The following CC2D2B variants were observed in gnomAD, a reference collection of about 807,000 sequenced individuals.
The protein encoded by CC2D2B is protein CC2D2B.
A neutral mutation model predicts 161.2 loss-of-function variants in CC2D2B; 128 were observed. The observed-to-expected ratio is 0.79, with a 90% CI of 0.69 to 0.92. CC2D2B has a LOEUF of 0.92. Among genes scored for constraint, CC2D2B ranks in the 40% least tolerant of loss-of-function variants. The probability of loss-of-function intolerance (pLI) is 0.00; values close to 1 mark genes in which losing one functional copy is unlikely to be tolerated. For missense variants in CC2D2B, 1,173 were observed against 1,375.1 expected (o/e 0.85, Z 2.32); for synonymous variants, 391 against 449.8 (o/e 0.87, Z 1.65).
At chr10:95,981,940 G>A (rs908981967) in intron 17 of CC2D2B, 35 bp from the exon 18 acceptor site, 3 of 1,080,386 alleles carry the variant, frequency 2.8e-6, no homozygotes, top group Non-Finnish European at 3.5e-6. Context: ...ATTTTATATT[G>A]TATGCAAGTT....
intron 22 of CC2D2B, among the ~76,000 whole-genome samples, chr10:95,994,050 C>A (rs931941848): frequency 1.4e-5 from 2 of 138,262 alleles, no homozygotes; most frequent in Non-Finnish European, 3.1e-5. Flanking sequence ...TGTGCAGAGA[C>A]GAGAGATAGT....
intron 22 of CC2D2B, among the ~76,000 whole-genome samples, chr10:95,993,669 C>T (rs1178941022): frequency 6.9e-6 from 1 of 145,036 alleles, no homozygotes; most frequent in Non-Finnish European, 1.5e-5. Context: ...TTTCTATAAG[C>T]ATCATGCTGC....
intron 6 of CC2D2B, among the ~76,000 whole-genome samples, chr10:95,928,232 T>A (rs1206214359): frequency 2.0e-5 from 3 of 149,686 alleles, no homozygotes; most frequent in African/African-American, 4.9e-5. Context: ...TTTGCACAAT[T>A]AAAAAAAAAA....
At chr10:96,010,116 A>C (rs563463457) in intron 26 of CC2D2B, among the ~76,000 whole-genome samples, 193 bp downstream of exon 26, 1 of 152,320 alleles carries the variant, frequency 6.6e-6, no homozygotes, top group East Asian at 1.9e-4. Context: ...TTAGAGTGTT[A>C]ACTAACAAAG....
chr10:95,936,968 G>A (rs984288005), intron 6 of CC2D2B, among the ~76,000 whole-genome samples: 3 of 152,242 alleles, frequency 2.0e-5, no homozygotes, highest in African/African-American at 7.2e-5. Flanking sequence ...GCCCCCATGT[G>A]GAGATCCGCC....
At chr10:95,993,189 T>A (rs1244387495) in intron 22 of CC2D2B, 1 of 155,140 alleles carries the variant, frequency 6.4e-6, no homozygotes, top group Non-Finnish European at 1.5e-5. Flanking sequence ...ATCTACAAAT[T>A]GTATGTGCCC....
chr10:95,913,538 C>A, intron 2 of CC2D2B: 1 of 254,900 alleles, frequency 3.9e-6, no homozygotes, highest in Non-Finnish European at 7.9e-6. Context: ...TTGAGGAACC[C>A]CATACTGTTC....
chr10:95,938,003 C>G lies in CC2D2B; in HGVS notation c.349C>G (p.Arg117Gly). 1 of 1,545,838 alleles carries G rather than the reference C, an allele frequency of 6.5e-7. No homozygotes were observed. The highest frequency in any genetic ancestry group is 8.8e-7 in the Non-Finnish European group (1 of 1,142,152). Reference sequence around the variant, plus strand: ...TGGTATTCAACAGAGACCAGTAAACCGTAGTTATCCCAAATGCTTTTCACT... The same window carrying G: ...TGGTATTCAACAGAGACCAGTAAACGGTAGTTATCCCAAATGCTTTTCACT... ...GKSSEQRPVNRSYPKCFSLGV... is the reference protein window; with the variant it reads ...GKSSEQRPVNGSYPKCFSLGV... The change falls in exon 7 of 35, where the codon CGT becomes GGT. Residue 117 changes from arginine (R) to glycine (G), a missense_variant. By Grantham distance (125) the Arg-to-Gly change is moderately radical (BLOSUM62 -2). This residue lies in a region of CC2D2B where 298 missense variants were observed against 261.2 expected (regional missense o/e 1.14). Coordinates refer to ENST00000646931, the MANE Select transcript of CC2D2B (RefSeq NM_001349008.3).
chr10:95,911,839 T>C (rs1435322551), intron 2 of CC2D2B, among the ~76,000 whole-genome samples: 1 of 152,218 alleles, frequency 6.6e-6, no homozygotes, highest in Admixed American at 6.5e-5. Context: ...CCTCTATCAG[T>C]TACTTGCCAG....
intron 5 of CC2D2B, among the ~76,000 whole-genome samples, chr10:95,926,873 T>C (rs549179826): frequency 1.3e-3 from 198 of 150,258 alleles, no homozygotes; most frequent in African/African-American, 3.9e-3. Context: ...TGTGTGTGTG[T>C]GCGCGCGCCT....
chr10:95,970,769 T>C (rs2077097822), intron 15 of CC2D2B, among the ~76,000 whole-genome samples: 1 of 152,246 alleles, frequency 6.6e-6, no homozygotes, highest in African/African-American at 2.4e-5. Flanking sequence ...ACCCATTTAC[T>C]GATTTACAAT....
At chr10:95,986,032 T>C (rs2077705709) in intron 19 of CC2D2B, among the ~76,000 whole-genome samples, 1 of 152,050 alleles carries the variant, frequency 6.6e-6, no homozygotes, top group South Asian at 2.1e-4. Flanking sequence ...GCCCAAAACT[T>C]CATTAGCAAT....
At chr10:96,019,865 C>A in intron 32 of CC2D2B, 41 bp downstream of exon 32, 2 of 1,540,700 alleles carry the variant, frequency 1.3e-6, no homozygotes, top group South Asian at 2.5e-5. Context: ...TGAGAGTTAC[C>A]ATTGCTTCTA....
chr10:95,939,658 T>C (rs576520329), intron 9 of CC2D2B, among the ~76,000 whole-genome samples: 1 of 152,362 alleles, frequency 6.6e-6, no homozygotes, highest in South Asian at 2.1e-4. Context: ...TGGTATTATC[T>C]GTCTTTTAAA....
At chr10:95,919,869 T>A (rs1336850133) in intron 2 of CC2D2B, 2 of 151,832 alleles carry the variant, frequency 1.3e-5, no homozygotes, top group African/African-American at 4.8e-5. Flanking sequence ...GGCACCCAGG[T>A]TGTAAAACTA....
intron 6 of CC2D2B, among the ~76,000 whole-genome samples, chr10:95,931,694 G>A (rs534187191): frequency 1.3e-5 from 2 of 152,162 alleles, no homozygotes; most frequent in Non-Finnish European, 2.9e-5. Context: ...GTGCAGTTTT[G>A]AGTGAGTTTC....
At chr10:95,990,220 C>G (rs2077895684) in intron 20 of CC2D2B, among the ~76,000 whole-genome samples, 1 of 151,844 alleles carries the variant, frequency 6.6e-6, no homozygotes, top group South Asian at 2.1e-4. Flanking sequence ...GTGAAAGGTG[C>G]TATGAAAAAT....
intron 29 of CC2D2B, among the ~76,000 whole-genome samples, chr10:96,015,764 C>T (rs2079171985): frequency 6.6e-6 from 1 of 152,144 alleles, no homozygotes; most frequent in South Asian, 2.1e-4. Context: ...TTTGAGTTGA[C>T]AGTACTATAT....
chr10:95,986,229 A>T (rs112496747), intron 19 of CC2D2B, among the ~76,000 whole-genome samples: 2 of 138,102 alleles, frequency 1.4e-5, no homozygotes, highest in Admixed American at 7.3e-5. Context: ...TGCCAACATG[A>T]GATGTCTCCC....
Sources: gnomAD v4.1 joint callset for allele counts (sites outside exome capture counted in the v4.1 genomes callset) on GRCh38, gnomAD v4.1.1 for gene constraint, gnomAD v4.1.1 regional missense constraint, MANE v1.5 for transcripts, NCBI Gene and HGNC (gene_info 2026-07-23, HGNC 2026-07-21) for gene names.